Variants in SPTLC3 observed in about 807,000 individuals in gnomAD.
The protein encoded by SPTLC3 is serine palmitoyltransferase 3.
In SPTLC3, 36 loss-of-function variants were observed where a neutral mutation model predicts 59.3. The observed-to-expected ratio is 0.61, with a 90% CI of 0.47 to 0.80. SPTLC3 has a LOEUF of 0.80. Ranked by LOEUF, SPTLC3 falls within the 30% of genes least tolerant of loss-of-function variation. The pLI, the probability that SPTLC3 is intolerant of heterozygous loss-of-function variation, is 0.00. For missense variants in SPTLC3, 625 were observed against 685.1 expected (o/e 0.91, Z 0.98); for synonymous variants, 257 against 240.8 (o/e 1.07, Z -0.62).
intron 2 of SPTLC3, among the ~76,000 whole-genome samples, chr20:13,060,685 G>C (rs550547319): frequency 6.3e-5 from 8 of 127,164 alleles, no homozygotes; most frequent in Admixed American, 4.2e-4. Flanking sequence ...CTCCCACTTA[G>C]AAGTGAGAAC....
chr20:13,044,054 T>C lies in SPTLC3; in HGVS notation c.118-4891T>C, dbSNP rs144785422. Among the ~76,000 whole-genome samples the C allele has an allele frequency of 4.8e-4, 73 of 152,092 alleles. No individual in the cohort carries two copies. The Middle Eastern group carries it at 0.01, about 22-fold the overall frequency. ...CTTAGAGGACCCTCATTCTCCCTCT[T>C]CTCCCTAGGTATTGATACATTATAT... is the stretch of plus-strand genomic sequence containing the variant. On this transcript the variant is annotated intron_variant, in intron 1 of 11. Coordinates refer to ENST00000399002, the MANE Select transcript of SPTLC3 (RefSeq NM_018327.4).
chr20:13,139,575 C>T (rs2122875544), intron 9 of SPTLC3, among the ~76,000 whole-genome samples: 1 of 152,240 alleles, frequency 6.6e-6, no homozygotes, highest in East Asian at 1.9e-4. Context: ...TTTTCAAGGG[C>T]CATGGCTGGA....
intron 10 of SPTLC3, among the ~76,000 whole-genome samples, chr20:13,158,738 A>G (rs943436039): frequency 2.0e-5 from 3 of 152,150 alleles, no homozygotes; most frequent in African/African-American, 7.2e-5. Flanking sequence ...GGAGCCAGAG[A>G]GGCTGTGTGT....
At chr20:13,035,661 T>C (rs554535460) in intron 1 of SPTLC3, among the ~76,000 whole-genome samples, 1 of 152,292 alleles carries the variant, frequency 6.6e-6, no homozygotes, top group South Asian at 2.1e-4. Flanking sequence ...AGGAAGGTGC[T>C]GTGTGCAAAT....
chr20:13,035,741 TTGTAAACAAATGA>T (rs1410293248), intron 1 of SPTLC3, among the ~76,000 whole-genome samples: 1 of 152,178 alleles, frequency 6.6e-6, no homozygotes, highest in African/African-American at 2.4e-5. Context: ...ACTCTCCTAT[TTGTAAACAAATGA>T]TCTGGGCTGA....
chr20:13,091,122 C>T lies in SPTLC3; in HGVS notation c.647C>T (p.Ala216Val). 1 of 1,613,980 alleles carries T rather than the reference C, an allele frequency of 6.2e-7. No homozygotes were observed. The highest frequency in any genetic ancestry group is 8.5e-7 in the Non-Finnish European group (1 of 1,179,918). ...DKHKELEDLV[A>V]KFLNVEAAMV... ...CACAAGGAGTTGGAGGACCTTGTGG[C>T]TAAGTTCCTGAATGTGGAAGCAGCT... Residue 216 changes from alanine (A) to valine (V), a missense_variant, in exon 5 of 12, where the codon GCT (alanine) becomes GTT (valine). Ala to Val is a moderately conservative substitution (Grantham distance 64). Coordinates refer to ENST00000399002, the MANE Select transcript of SPTLC3 (RefSeq NM_018327.4).
At position 13,059,954 on chromosome 20, in the gene SPTLC3, T is replaced by A. The variant is rs112866739; in HGVS notation, c.303+10824T>A. 5.0e-4 allele frequency among the ~76,000 whole-genome samples: 76 copies of A among 152,266 alleles called. 1 individual carries two copies. The highest frequency in any genetic ancestry group is 3.3e-3 in the South Asian group (16 of 4,820). On this transcript the variant is annotated intron_variant, in intron 2 of 11. Coordinates refer to ENST00000399002, the MANE Select transcript of SPTLC3 (RefSeq NM_018327.4). ...AAGATAGCCCTTGGTGCTGCCTGCCTATCACTCTGTTACTTAGGGCCTCTA... is the reference window on the plus strand; with the variant it reads ...AAGATAGCCCTTGGTGCTGCCTGCCAATCACTCTGTTACTTAGGGCCTCTA...
At position 13,166,671 on chromosome 20, in the gene SPTLC3, C is replaced by T. The variant is rs567097782; in HGVS notation, c.*1804C>T. The T allele has an allele frequency of 1.3e-5, 2 of 152,276 alleles. No homozygotes were observed. Among genetic ancestry groups the T allele is most frequent in the African/African-American group, 2.4e-5 (1 of 41,552 alleles). 9.4% of individuals were successfully genotyped at this position (152,276 alleles called of 1,614,324 possible). ...TTGTCCAAAATGCATAAATGCCTTG[C>T]GTTCTATAAAGGAAACAGGAGGTCA... On this transcript the variant is annotated 3_prime_UTR_variant, in exon 12 of 12. Transcript: ENST00000399002.
intron 9 of SPTLC3, among the ~76,000 whole-genome samples, chr20:13,140,798 A>G (rs936664864): frequency 3.3e-5 from 5 of 152,240 alleles, no homozygotes; most frequent in African/African-American, 4.8e-5. Flanking sequence ...AAAGGAAAAA[A>G]GAGTGACACT....
At chr20:13,087,171 C>T (rs1378184326) in intron 4 of SPTLC3, among the ~76,000 whole-genome samples, 2 of 152,156 alleles carry the variant, frequency 1.3e-5, no homozygotes, top group Non-Finnish European at 2.9e-5. Flanking sequence ...CTTAGACATA[C>T]CCACTTCTCA....
intron 11 of SPTLC3, among the ~76,000 whole-genome samples, chr20:13,161,190 A>C (rs1020556619): frequency 1.3e-5 from 2 of 152,248 alleles, no homozygotes; most frequent in Non-Finnish European, 2.9e-5. Flanking sequence ...AGAGAATCAA[A>C]GACAATTTGA....
chr20:13,009,335 G>T lies in SPTLC3; in HGVS notation c.68G>T (p.Gly23Val), dbSNP rs765239129. 26 of 1,614,062 alleles carry T rather than the reference G, an allele frequency of 1.6e-5. No homozygotes were observed. The highest frequency in any genetic ancestry group is 2.2e-5 in the Non-Finnish European group (26 of 1,179,972). Residue 23 changes from glycine to valine, a missense_variant, in exon 1 of 12, where the codon GGC becomes GTC. Gly to Val is a moderately radical substitution (Grantham distance 109, BLOSUM62 -3). Coordinates refer to ENST00000399002, the MANE Select transcript of SPTLC3 (RefSeq NM_018327.4). ...KLHNHKKQSN[G>V]SQSRNCTKNG... ...CACAATCACAAGAAACAGAGCAATGGCTCACAAAGCAGAAACTGCACAAAG... is the reference window on the plus strand; with the variant it reads ...CACAATCACAAGAAACAGAGCAATGTCTCACAAAGCAGAAACTGCACAAAG...
intron 8 of SPTLC3, among the ~76,000 whole-genome samples, chr20:13,119,344 C>G (rs1285395793): frequency 6.6e-6 from 1 of 152,174 alleles, no homozygotes; most frequent in African/African-American, 2.4e-5. Context: ...CCACTTTAAA[C>G]AAAGGCTCGC....
At chr20:13,129,724 A>G (rs2038079314) in intron 9 of SPTLC3, among the ~76,000 whole-genome samples, 1 of 152,236 alleles carries the variant, frequency 6.6e-6, no homozygotes, top group African/African-American at 2.4e-5. Context: ...AACTTGCTCT[A>G]TTGATCTGAT....
chr20:13,054,047 G>T (rs1568580304), intron 2 of SPTLC3, among the ~76,000 whole-genome samples: 1 of 152,142 alleles, frequency 6.6e-6, no homozygotes, highest in Non-Finnish European at 1.5e-5. Flanking sequence ...AAGTTAAATT[G>T]GGATCTAGAC....
At chr20:13,132,708 T>TC (rs1360523452) in intron 9 of SPTLC3, 1 of 152,186 alleles carries the variant, frequency 6.6e-6, no homozygotes, top group Non-Finnish European at 1.5e-5. Flanking sequence ...CTCTTTTACA[T>TC]CTCTGTGCTT....
chr20:13,034,055 T>A (rs77296076), intron 1 of SPTLC3, among the ~76,000 whole-genome samples: 8,398 of 152,300 alleles, frequency 0.055, 274 homozygotes, highest in South Asian at 0.083. Flanking sequence ...TTGATACTGC[T>A]TAGGCAATAA....
intron 2 of SPTLC3, among the ~76,000 whole-genome samples, chr20:13,060,446 T>C (rs577515987): frequency 1.6e-4 from 24 of 146,808 alleles, no homozygotes; most frequent in African/African-American, 5.0e-4. Context: ...TTATTTATTT[T>C]TTAATTTTTT....
chr20:13,123,788 C>A (rs932174560), intron 8 of SPTLC3, among the ~76,000 whole-genome samples: 4 of 152,228 alleles, frequency 2.6e-5, no homozygotes, highest in Non-Finnish European at 5.9e-5. Flanking sequence ...AGATCACACC[C>A]TTGAAACACC....
Sources: gnomAD v4.1 joint callset for allele counts (sites outside exome capture counted in the v4.1 genomes callset) on GRCh38, gnomAD v4.1.1 for gene constraint, MANE v1.5 for transcripts, NCBI Gene and HGNC (gene_info 2026-07-23, HGNC 2026-07-21) for gene names.